STPG2: variants seen among roughly 807,000 people sequenced by gnomAD.
STPG2 encodes the protein sperm tail PG-rich repeat containing 2.
STPG2 carries 56 observed loss-of-function variants against 54.2 expected under a neutral mutation model. The observed-to-expected ratio is 1.03, with a 90% CI of 0.83 to 1.29. STPG2 has a LOEUF of 1.29. STPG2 is among the 50% of genes most tolerant of loss of function. The pLI is 0.00. For missense variants in STPG2, 596 were observed against 544.9 expected (o/e 1.09, Z -0.93); for synonymous variants, 200 against 181.8 (o/e 1.10, Z -0.81).
At chr4:97,681,878 G>C (rs1378938452) in intron 10 of STPG2, among the ~76,000 whole-genome samples, 2 of 151,714 alleles carry the variant, frequency 1.3e-5, no homozygotes, top group Non-Finnish European at 3.0e-5. Flanking sequence ...ACTGTTACCA[G>C]TTTAGCATTT....
chr4:97,588,078 G>C (rs1033447194), intron 10 of STPG2, among the ~76,000 whole-genome samples: 2 of 151,922 alleles, frequency 1.3e-5, no homozygotes, highest in Non-Finnish European at 2.9e-5. Flanking sequence ...GAAAGTATAT[G>C]TGTAAGAAGT....
chr4:97,709,799 G>C (rs940126196), intron 10 of STPG2, among the ~76,000 whole-genome samples: 1 of 151,766 alleles, frequency 6.6e-6, no homozygotes, highest in East Asian at 1.9e-4. Flanking sequence ...GAATGTGAAT[G>C]AATCAATAAA....
chr4:97,904,328 C>A (rs1466294937), intron 8 of STPG2, among the ~76,000 whole-genome samples: 1 of 152,210 alleles, frequency 6.6e-6, no homozygotes. Flanking sequence ...AGGCACCCCC[C>A]AGCAGGGGCA....
intron 9 of STPG2, among the ~76,000 whole-genome samples, chr4:97,803,488 G>T (rs1293894301): frequency 6.6e-6 from 1 of 152,106 alleles, no homozygotes; most frequent in East Asian, 1.9e-4. Flanking sequence ...ATTCCAAGCA[G>T]GTATTTAGGA....
intron 9 of STPG2, among the ~76,000 whole-genome samples, chr4:97,770,444 G>T (rs1289494073): frequency 2.0e-5 from 3 of 152,154 alleles, no homozygotes; most frequent in African/African-American, 7.2e-5. Flanking sequence ...TGCCTAGAGT[G>T]CAATGAGCAG....
intron 5 of STPG2, among the ~76,000 whole-genome samples, chr4:98,005,908 T>C (rs4441757): frequency 0.39 from 59,989 of 152,080 alleles, 12,069 homozygotes; most frequent in Middle Eastern, 0.46. Flanking sequence ...TGGTTCCCTC[T>C]TTTTCCATTT....
intron 7 of STPG2, among the ~76,000 whole-genome samples, chr4:97,958,229 G>A (rs181804210): frequency 6.6e-6 from 1 of 151,900 alleles, no homozygotes; most frequent in East Asian, 1.9e-4. Flanking sequence ...AGAATTGCTT[G>A]AACCTGGGAG....
chr4:97,777,795 G>T (rs1055271378), intron 9 of STPG2, among the ~76,000 whole-genome samples: 5 of 152,110 alleles, frequency 3.3e-5, no homozygotes, highest in African/African-American at 1.2e-4. Context: ...AAAAATCATT[G>T]CTCTTCAGTT....
intron 4 of STPG2, among the ~76,000 whole-genome samples, chr4:97,540,414 G>C (rs1408149396): frequency 1.3e-5 from 2 of 152,070 alleles, no homozygotes; most frequent in Admixed American, 1.3e-4. Flanking sequence ...ACCCTCCCAA[G>C]ACTAAACCAG....
chr4:97,732,728 A>T (rs1724843424), intron 9 of STPG2, among the ~76,000 whole-genome samples: 1 of 150,662 alleles, frequency 6.6e-6, no homozygotes, highest in Admixed American at 6.7e-5. Context: ...AAAGAATTCA[A>T]ACAAATCAGC....
intron 5 of STPG2, among the ~76,000 whole-genome samples, chr4:98,028,152 A>T (rs1225396457): frequency 1.3e-5 from 2 of 152,204 alleles, no homozygotes; most frequent in Non-Finnish European, 2.9e-5. Context: ...GCAAAAGATA[A>T]TTCAACCACA....
chr4:97,631,736 G>T (rs1721287633), intron 10 of STPG2, among the ~76,000 whole-genome samples: 1 of 152,042 alleles, frequency 6.6e-6, no homozygotes, highest in African/African-American at 2.4e-5. Context: ...GGTCTAGCAA[G>T]AATGTTTTTG....
At chr4:97,717,927 T>C (rs1272711688) in intron 9 of STPG2, among the ~76,000 whole-genome samples, 3 of 152,072 alleles carry the variant, frequency 2.0e-5, no homozygotes, top group African/African-American at 4.8e-5. Context: ...TCCTGAAATA[T>C]TAGTGGCAAA....
chr4:97,569,755 T>C (rs1357268306), intron 10 of STPG2, among the ~76,000 whole-genome samples: 2 of 152,098 alleles, frequency 1.3e-5, no homozygotes, highest in Non-Finnish European at 2.9e-5. Flanking sequence ...CATCAATTGA[T>C]GCTAAATATA....
chr4:97,744,241 T>G (rs1725356205), intron 9 of STPG2, among the ~76,000 whole-genome samples: 3 of 151,378 alleles, frequency 2.0e-5, no homozygotes, highest in Admixed American at 2.0e-4. Context: ...ATAATTTCAT[T>G]TATATTACTC....
rs1256224737 is a variant in STPG2, at chr4:98,073,618, T to G, written c.612+32335A>C. Among the ~76,000 whole-genome samples, 4 of 152,066 alleles carry G rather than the reference T, an allele frequency of 2.6e-5. No homozygotes were observed. The East Asian group carries it at 7.7e-4, about 29-fold the overall frequency. On this transcript the variant is annotated intron_variant, in intron 5 of 10. Transcript: ENST00000295268. ...GGCAGGCACCTGTAGTCCCAGCTAC[T>G]CAGGAGGCTGAGACAGGAGAATTGC...
At chr4:97,527,501 G>T (rs186811196) in intron 4 of STPG2, among the ~76,000 whole-genome samples, 133 of 152,074 alleles carry the variant, frequency 8.7e-4, no homozygotes, top group Non-Finnish European at 1.7e-3. Context: ...TATATCCTTT[G>T]ATTATATACC....
chr4:98,009,714 C>A (rs1560633545), intron 5 of STPG2, among the ~76,000 whole-genome samples: 1 of 151,930 alleles, frequency 6.6e-6, no homozygotes, highest in East Asian at 1.9e-4. Flanking sequence ...TGTATTGCTG[C>A]CTATTTCTCC....
At chr4:97,552,953 G>A (rs558687961) in intron 4 of STPG2, among the ~76,000 whole-genome samples, 1 of 152,204 alleles carries the variant, frequency 6.6e-6, no homozygotes, top group South Asian at 2.1e-4. Context: ...AAACCAGATT[G>A]GTAGTCTTAA....
Sources: gnomAD v4.1 joint callset for allele counts (sites outside exome capture counted in the v4.1 genomes callset) on GRCh38, gnomAD v4.1.1 for gene constraint, MANE v1.5 for transcripts, NCBI Gene and HGNC (gene_info 2026-07-23, HGNC 2026-07-21) for gene names.